The following MEFV variants were observed in gnomAD, a reference collection of about 807,000 sequenced individuals.
The protein encoded by MEFV is pyrin.
MEFV carries 60 observed loss-of-function variants against 62.5 expected under a neutral mutation model. That is an observed-to-expected ratio of 0.96 (90% CI 0.78 to 1.19). The LOEUF (loss-of-function observed/expected upper bound fraction) is 1.19, where lower values mean the gene tolerates loss of function less well. Among genes scored for constraint, MEFV ranks in the 50% most tolerant of loss-of-function variants. The pLI is 0.00. For missense variants in MEFV, 1,169 were observed against 1,004.5 expected (o/e 1.16, Z -2.21); for synonymous variants, 500 against 415.2 (o/e 1.20, Z -2.48).
At chr16:3,252,252 G>A (rs1959046430) in intron 2 of MEFV, among the ~76,000 whole-genome samples, 1 of 151,416 alleles carries the variant, frequency 6.6e-6, no homozygotes, top group African/African-American at 2.4e-5. Flanking sequence ...CAGGTCTCAG[G>A]GGTCCCTGGA....
intron 1 of MEFV, among the ~76,000 whole-genome samples, chr16:3,255,089 G>T (rs925984047): frequency 2.0e-5 from 3 of 152,196 alleles, no homozygotes; most frequent in Non-Finnish European, 4.4e-5. Context: ...GGCCAAGGTG[G>T]GAGGATCATT....
At chr16:3,246,864 C>A in intron 5 of MEFV, 152 bp downstream of exon 5, 10 of 808,486 alleles carry the variant, frequency 1.2e-5, no homozygotes, top group Non-Finnish European at 2.1e-5. Context: ...GGTCTGGGCA[C>A]AAGAGGCACT....
At position 3,254,419 on chromosome 16, in the gene MEFV, C is replaced by G. The variant is rs764575283; in HGVS notation, c.649G>C (p.Ala217Pro). 2 of 1,612,768 alleles carry G rather than the reference C, an allele frequency of 1.2e-6. No individual in the cohort carries two copies. Among genetic ancestry groups the G allele is most frequent in the Non-Finnish European group, 1.7e-6 (2 of 1,179,702 alleles). The change falls in exon 2 of 10, where the codon GCG (alanine) becomes CCG (proline). Residue 217 changes from alanine to proline, a missense_variant. Ala to Pro is a conservative substitution (Grantham distance 27). Transcript: ENST00000219596. ...ASSAGRLQGL[A>P]GGAPGQKECR... ...TCCTTCTGCCCCGGGGCGCCCCCCG[C>G]CAGCCCCTGCAGCCTCCCCGCGGAG...
At chr16:3,251,228 C>T (rs1311760292) in intron 2 of MEFV, among the ~76,000 whole-genome samples, 5 of 152,062 alleles carry the variant, frequency 3.3e-5, no homozygotes, top group African/African-American at 7.2e-5. Flanking sequence ...CCATTGCCCC[C>T]CAAATGCCCT....
At chr16:3,249,936 C>G (rs1240637193) in intron 2 of MEFV, among the ~76,000 whole-genome samples, 156 bp from the exon 3 acceptor site, 1 of 152,226 alleles carries the variant, frequency 6.6e-6, no homozygotes, top group Non-Finnish European at 1.5e-5. Flanking sequence ...CGACTTCCAT[C>G]CAGTGAGGAA....
Position 3,254,361 on chromosome 16 carries a change from C to A in MEFV, c.707G>T (p.Gly236Val), listed in dbSNP as rs104895159. Residue 236 changes from glycine (G) to valine (V), a missense_variant, in exon 2 of 10, where the codon GGA becomes GTA. Physicochemically the swap from Gly to Val is moderately radical, Grantham distance 109. Coordinates refer to ENST00000219596, the MANE Select transcript of MEFV (RefSeq NM_000243.3). ...CRPFEVYLPS[G>V]KMRPRSLEVT... The stretch of plus-strand genomic sequence containing the variant: ...CTCAAGGCTTCTAGGTCGCATCTTT[C>A]CCGAGGGCAGGTACACTTCGAAGGG... The A allele has an allele frequency of 1.9e-6, 3 of 1,614,236 alleles. No individual in the cohort carries two copies. The highest frequency in any genetic ancestry group is 1.1e-5 in the South Asian group (1 of 91,092).
At chr16:3,246,941 G>A (rs1456541279) in intron 5 of MEFV, 75 bp downstream of exon 5, 4 of 1,398,456 alleles carry the variant, frequency 2.9e-6, no homozygotes, top group South Asian at 1.2e-5. Context: ...CAGCACGGCT[G>A]ATGGCAGAGC....
chr16:3,243,833 G>T, intron 9 of MEFV, 27 bp downstream of exon 9: 1 of 1,612,676 alleles, frequency 6.2e-7, no homozygotes, highest in Non-Finnish European at 8.5e-7. Context: ...GCAGGCCAGG[G>T]CCACTTGCCT....
intron 2 of MEFV, among the ~76,000 whole-genome samples, chr16:3,252,422 C>A (rs1331306672): frequency 6.6e-6 from 1 of 151,970 alleles, no homozygotes; most frequent in Non-Finnish European, 1.5e-5. Context: ...ATTATGGACA[C>A]CCGCCACCAC....
chr16:3,255,821 G>A (rs967079048), intron 1 of MEFV, among the ~76,000 whole-genome samples: 1 of 152,040 alleles, frequency 6.6e-6, no homozygotes, highest in African/African-American at 2.4e-5. Flanking sequence ...ATAAAAATAA[G>A]CCGGGCACGG....
chr16:3,254,142 A>G lies in MEFV; in HGVS notation c.910+16T>C. The G allele has an allele frequency of 6.2e-7, 1 of 1,613,554 alleles. No individual in the cohort carries two copies. On this transcript the variant is annotated intron_variant, in intron 2 of 9. Coordinates refer to ENST00000219596, the MANE Select transcript of MEFV (RefSeq NM_000243.3). Reference sequence around the variant, plus strand: ...TTCTCTGCAGCCGATATAAAGTAGGAAAGAACACAATTTACCGGTGACCGA... The same window carrying G: ...TTCTCTGCAGCCGATATAAAGTAGGGAAGAACACAATTTACCGGTGACCGA...
chr16:3,243,944 G>C, intron 8 of MEFV, 52 bp from the exon 9 acceptor site: 1 of 1,609,290 alleles, frequency 6.2e-7, no homozygotes, highest in Admixed American at 1.7e-5. Flanking sequence ...AGCATTAAGA[G>C]GGGCTAAATT....
At chr16:3,254,040 T>C in intron 2 of MEFV, 118 bp downstream of exon 2, 1 of 1,159,668 alleles carries the variant, frequency 8.6e-7, no homozygotes, top group Non-Finnish European at 1.2e-6. Flanking sequence ...AGTCTTGGCC[T>C]CCAGCAATCC....
intron 2 of MEFV, among the ~76,000 whole-genome samples, chr16:3,250,838 A>G (rs564060639): frequency 6.6e-6 from 1 of 151,826 alleles, no homozygotes; most frequent in East Asian, 1.9e-4. Flanking sequence ...AGCCTGGCCA[A>G]GATGGTGAAA....
At chr16:3,250,133 C>A (rs1959011230) in intron 2 of MEFV, among the ~76,000 whole-genome samples, 1 of 152,210 alleles carries the variant, frequency 6.6e-6, no homozygotes, top group African/African-American at 2.4e-5. Flanking sequence ...CCACTTGAAC[C>A]CATCCCTGGC....
intron 2 of MEFV, among the ~76,000 whole-genome samples, chr16:3,252,509 G>T (rs1959051626): frequency 6.6e-6 from 1 of 151,924 alleles, no homozygotes; most frequent in East Asian, 1.9e-4. Context: ...CCTCACCTCA[G>T]GTGATCCGCC....
chr16:3,256,532 T>C lies in MEFV; in HGVS notation c.56A>G (p.Tyr19Cys), dbSNP rs769605806. The change falls in exon 1 of 10, where the codon TAT becomes TGT. Residue 19 changes from tyrosine (Y) to cysteine (C), a missense_variant. Tyr to Cys is a radical substitution (Grantham distance 194, BLOSUM62 -2). Coordinates refer to ENST00000219596, the MANE Select transcript of MEFV (RefSeq NM_000243.3). ...CTTGAACTTGAACTTCTCGAAGTCA[T>C]AGGGCACCAGCTCCTCCAGGGTGGA... ...LLSTLEELVPYDFEKFKFKLQ... is the reference protein window; with the variant it reads ...LLSTLEELVPCDFEKFKFKLQ... 9.3e-6 allele frequency: 15 copies of C among 1,614,054 alleles called. No individual in the cohort carries two copies. Among genetic ancestry groups the C allele is most frequent in the South Asian group, 7.7e-5 (7 of 91,088 alleles).
rs1447099227 is a variant in MEFV, at chr16:3,254,780, T to A, written c.288A>T (p.Thr96=). 6.2e-7 allele frequency: 1 copy of A among 1,611,786 alleles called. No homozygotes were observed. Among genetic ancestry groups the A allele is most frequent in the Non-Finnish European group, 8.5e-7 (1 of 1,179,994 alleles). ...CGGAATCATCTGTGCCGTTTTCTTG[T>A]GTGGAATATTCTGGAAGGACAACCA... is the stretch of plus-strand genomic sequence containing the variant. ...LHRAAIQEYS[T]QENGTDDSAA... Residue 96 remains threonine (T), a synonymous_variant, in exon 2 of 10, where the codon ACA becomes ACT. Coordinates refer to ENST00000219596, the MANE Select transcript of MEFV (RefSeq NM_000243.3).
chr16:3,251,361 T>G (rs966205054), intron 2 of MEFV, among the ~76,000 whole-genome samples: 8 of 152,156 alleles, frequency 5.3e-5, no homozygotes, highest in African/African-American at 1.9e-4. Flanking sequence ...AGGGATACTA[T>G]TCCCCTCTGT....
Sources: gnomAD v4.1 joint callset for allele counts (sites outside exome capture counted in the v4.1 genomes callset) on GRCh38, gnomAD v4.1.1 for gene constraint, MANE v1.5 for transcripts, NCBI Gene and HGNC (gene_info 2026-07-23, HGNC 2026-07-21) for gene names.